The following ADAMTSL1 variants were observed in gnomAD, a reference collection of about 807,000 sequenced individuals.
ADAMTSL1 encodes the protein ADAMTS like 1.
In ADAMTSL1, 126 loss-of-function variants were observed where a neutral mutation model predicts 201.8. The ratio of observed to expected loss-of-function variants is 0.62; its 90% CI spans 0.54 to 0.72. ADAMTSL1 has a LOEUF of 0.72. ADAMTSL1 is among the 30% of genes least tolerant of loss of function. ADAMTSL1 has a pLI of 0.00. For synonymous variants in ADAMTSL1, 1,121 were observed against 903.4 expected (o/e 1.24, Z -4.32); for missense variants, 2,679 against 2,277.8 (o/e 1.18, Z -3.59).
At position 18,576,081 on chromosome 9, in the gene ADAMTSL1, A is replaced by G. The variant is rs116104261; in HGVS notation, c.474+1815A>G. On this transcript the variant is annotated intron_variant, in intron 4 of 28. Coordinates refer to ENST00000380548, the MANE Select transcript of ADAMTSL1 (RefSeq NM_001040272.6). ...TGGGTTACAAGTATAAACATGCTTT[A>G]ACTTATATTCTTATGAGTATGACAG... Among the ~76,000 whole-genome samples the G allele has an allele frequency of 5.5e-3, 838 of 152,266 alleles. 11 individuals carry two copies. The highest frequency in any genetic ancestry group is 0.019 in the African/African-American group (797 of 41,568).
At chr9:18,154,343 G>A (rs1443648907) in intron 1 of ADAMTSL1, among the ~76,000 whole-genome samples, 1 of 152,170 alleles carries the variant, frequency 6.6e-6, no homozygotes, top group Admixed American at 6.5e-5. Flanking sequence ...TGCATCCACT[G>A]GGGCTGCACT....
chr9:18,572,027 T>C (rs1587602774), intron 3 of ADAMTSL1, among the ~76,000 whole-genome samples: 1 of 152,106 alleles, frequency 6.6e-6, no homozygotes, highest in African/African-American at 2.4e-5. Flanking sequence ...ACCCTGTCTC[T>C]ACTAAAAATA....
chr9:18,387,957 A>G (rs1837871898), intron 2 of ADAMTSL1, among the ~76,000 whole-genome samples: 1 of 128,942 alleles, frequency 7.8e-6, no homozygotes, highest in African/African-American at 2.5e-5. Flanking sequence ...ATTGTTAGGT[A>G]CATAAACATT....
Position 18,085,745 on chromosome 9 carries a change from G to A in ADAMTSL1, c.88-78117G>A, listed in dbSNP as rs148203202. Among the ~76,000 whole-genome samples the A allele has an allele frequency of 1.3e-3, 191 of 149,952 alleles. 2 individuals are homozygous for A. The highest frequency in any genetic ancestry group is 4.9e-3 in the East Asian group (25 of 5,090). ...TATATATAGCAGGTTATATATATACGTGTATACATATATATGTGTGTGTGT... is the reference window on the plus strand; with the variant it reads ...TATATATAGCAGGTTATATATATACATGTATACATATATATGTGTGTGTGT... On this transcript the variant is annotated intron_variant, in intron 1 of 29. Coordinates refer to the ADAMTSL1 transcript ENST00000680146.
At chr9:18,095,518 G>T (rs943652431) in intron 1 of ADAMTSL1, among the ~76,000 whole-genome samples, 2 of 147,098 alleles carry the variant, frequency 1.4e-5, no homozygotes, top group Admixed American at 7.0e-5. Context: ...CCCCTTCTAG[G>T]TTCAAGCTAT....
At chr9:18,200,049 A>T (rs1044360528) in intron 2 of ADAMTSL1, among the ~76,000 whole-genome samples, 1 of 152,084 alleles carries the variant, frequency 6.6e-6, no homozygotes, top group African/African-American at 2.4e-5. Flanking sequence ...CCCCAAAGGC[A>T]TTATTACTCC....
At chr9:18,845,816 G>T (rs1276343652) in intron 23 of ADAMTSL1, among the ~76,000 whole-genome samples, 1 of 152,166 alleles carries the variant, frequency 6.6e-6, no homozygotes, top group East Asian at 1.9e-4. Context: ...ATATCACGCT[G>T]GTATGAAAAC....
intron 3 of ADAMTSL1, among the ~76,000 whole-genome samples, chr9:18,554,433 G>C (rs1181788903): frequency 6.6e-6 from 1 of 151,706 alleles, no homozygotes; most frequent in African/African-American, 2.4e-5. Flanking sequence ...TTTACGATGT[G>C]TACTTCCTGG....
At chr9:18,879,459 T>G (rs940695835) in intron 23 of ADAMTSL1, among the ~76,000 whole-genome samples, 36 of 152,320 alleles carry the variant, frequency 2.4e-4, no homozygotes, top group African/African-American at 7.7e-4. Flanking sequence ...ATCCTCAAGA[T>G]ACTTTACTTT....
intron 1 of ADAMTSL1, among the ~76,000 whole-genome samples, chr9:18,073,590 G>A (rs951265111): frequency 6.6e-6 from 1 of 152,082 alleles, no homozygotes; most frequent in African/African-American, 2.4e-5. Flanking sequence ...AGGACACAGT[G>A]TTTCTTAGTC....
chr9:18,418,688 C>G (rs1019054915), intron 2 of ADAMTSL1, among the ~76,000 whole-genome samples: 1 of 152,038 alleles, frequency 6.6e-6, no homozygotes, highest in African/African-American at 2.4e-5. Flanking sequence ...TGAAAGAAAT[C>G]AAAGAAGACC....
At chr9:18,488,568 G>A (rs1563991226) in intron 1 of ADAMTSL1, among the ~76,000 whole-genome samples, 1 of 152,132 alleles carries the variant, frequency 6.6e-6, no homozygotes, top group Non-Finnish European at 1.5e-5. Flanking sequence ...GTCATTTTCT[G>A]TGCCCCAGTT....
chr9:18,706,593 C>G (rs1832245698), intron 13 of ADAMTSL1, 154 bp from the exon 14 acceptor site: 1 of 723,018 alleles, frequency 1.4e-6, no homozygotes, highest in African/African-American at 1.8e-5. Context: ...ATGAACTAAA[C>G]TGAAGCGCCA....
intron 23 of ADAMTSL1, among the ~76,000 whole-genome samples, chr9:18,884,751 C>T (rs1251718819): frequency 3.3e-5 from 5 of 152,094 alleles, no homozygotes; most frequent in Admixed American, 3.3e-4. Flanking sequence ...TTCTTTTGTT[C>T]TCTGTGTCTG....
At chr9:18,143,054 G>C (rs1449997629) in intron 1 of ADAMTSL1, among the ~76,000 whole-genome samples, 1 of 152,184 alleles carries the variant, frequency 6.6e-6, no homozygotes, top group Non-Finnish European at 1.5e-5. Flanking sequence ...GTCGATGGCA[G>C]TTTCACTCCA....
At chr9:18,882,313 A>C (rs1828582096) in intron 23 of ADAMTSL1, among the ~76,000 whole-genome samples, 1 of 152,232 alleles carries the variant, frequency 6.6e-6, no homozygotes, top group South Asian at 2.1e-4. Context: ...TCATGGAGCC[A>C]GCACCTTGAT....
chr9:18,632,583 T>C (rs1417185093), intron 5 of ADAMTSL1, among the ~76,000 whole-genome samples: 1 of 152,218 alleles, frequency 6.6e-6, no homozygotes, highest in Admixed American at 6.5e-5. Flanking sequence ...AGATCCCTTT[T>C]TCAGGACCAT....
Position 18,007,660 on chromosome 9 carries a change from G to A in ADAMTSL1, c.87+100738G>A, listed in dbSNP as rs114473290. ...ACTGCACTGGAGCTCTGGTAATGGGGATGATTATGGCACTGAAGCCTTCAA... is the reference window on the plus strand; with the variant it reads ...ACTGCACTGGAGCTCTGGTAATGGGAATGATTATGGCACTGAAGCCTTCAA... On this transcript the variant is annotated intron_variant, in intron 1 of 29. Coordinates refer to the ADAMTSL1 transcript ENST00000680146. Among the ~76,000 whole-genome samples, 1,213 of 152,064 alleles carry A rather than the reference G, an allele frequency of 8.0e-3. 18 individuals are homozygous for A. Among genetic ancestry groups the A allele is most frequent in the African/African-American group, 0.028 (1,167 of 41,526 alleles).
chr9:18,220,328 A>C (rs966736977), intron 2 of ADAMTSL1, among the ~76,000 whole-genome samples: 3 of 152,178 alleles, frequency 2.0e-5, no homozygotes, highest in Admixed American at 6.5e-5. Flanking sequence ...TGATAAAAAC[A>C]TGATAGATAA....
Sources: gnomAD v4.1 joint callset for allele counts (sites outside exome capture counted in the v4.1 genomes callset) on GRCh38, gnomAD v4.1.1 for gene constraint, MANE v1.5 for transcripts, NCBI Gene and HGNC (gene_info 2026-07-23, HGNC 2026-07-21) for gene names.